The following CAMK4 variants were observed in gnomAD, a reference collection of about 807,000 sequenced individuals.
The protein encoded by CAMK4 is calcium/calmodulin-dependent protein kinase type IV.
A neutral mutation model predicts 44.9 loss-of-function variants in CAMK4; 22 were observed. The ratio of observed to expected loss-of-function variants is 0.49; its 90% CI spans 0.35 to 0.70. The LOEUF (loss-of-function observed/expected upper bound fraction) is 0.70. Ranked by LOEUF, CAMK4 falls within the 30% of genes least tolerant of loss-of-function variation. CAMK4 has a pLI of 0.01. For missense variants in CAMK4, 498 were observed against 586.8 expected (o/e 0.85, Z 1.56); for synonymous variants, 218 against 215.4 (o/e 1.01, Z -0.11).
Position 111,449,200 on chromosome 5 carries a change from T to C in CAMK4, c.622T>C (p.Cys208Arg). Residue 208 changes from cysteine (C) to arginine (R), a missense_variant, in exon 7 of 11, where the codon TGC becomes CGC. By Grantham distance (180) the Cys-to-Arg change is radical (BLOSUM62 -3). This residue lies in a region of CAMK4 where 203 missense variants were observed against 298.2 expected (regional missense o/e 0.68). Transcript: ENST00000282356. ...MKTVCGTPGY[C>R]APEILRGCAY... is the part of the protein sequence containing the mutation. ...GACAGTATGTGGAACCCCAGGGTACTGCGGTATGCTCTTTAATAATTATAT... is the reference window on the plus strand; with the variant it reads ...GACAGTATGTGGAACCCCAGGGTACCGCGGTATGCTCTTTAATAATTATAT... 7.0e-7 allele frequency: 1 copy of C among 1,433,158 alleles called. No individual in the cohort carries two copies. Among genetic ancestry groups the C allele is most frequent in the Non-Finnish European group, 9.7e-7 (1 of 1,030,862 alleles). The allele number at this position is 1,433,158 out of a possible 1,614,324, so 88.8% of individuals were successfully genotyped here. A position where few individuals can be genotyped will look rare whatever the true frequency, so the allele number is the denominator to read the frequency against.
chr5:111,365,741 GA>G (rs1445296756), intron 2 of CAMK4, among the ~76,000 whole-genome samples: 1 of 152,064 alleles, frequency 6.6e-6, no homozygotes, highest in Non-Finnish European at 1.5e-5. Flanking sequence ...TGAGAACGCT[GA>G]AAAATGTGAG....
At chr5:111,296,527 T>G (rs1048056693) in intron 1 of CAMK4, among the ~76,000 whole-genome samples, 1 of 152,220 alleles carries the variant, frequency 6.6e-6, no homozygotes, top group Non-Finnish European at 1.5e-5. Context: ...TATTTAAATT[T>G]GCATTTGCAT....
chr5:111,342,821 T>C (rs1221517023), intron 1 of CAMK4, among the ~76,000 whole-genome samples: 1 of 151,632 alleles, frequency 6.6e-6, no homozygotes, highest in Non-Finnish European at 1.5e-5. Context: ...TCAGTCTATA[T>C]TTAAATAATA....
At chr5:111,226,055 A>T (rs894378658) in intron 1 of CAMK4, among the ~76,000 whole-genome samples, 1 of 152,186 alleles carries the variant, frequency 6.6e-6, no homozygotes, top group East Asian at 1.9e-4. Context: ...TAAAGGGATG[A>T]TCTACTTAAA....
intron 4 of CAMK4, among the ~76,000 whole-genome samples, chr5:111,388,271 TC>T (rs1751675755): frequency 1.3e-5 from 2 of 152,162 alleles, no homozygotes; most frequent in African/African-American, 2.4e-5. Flanking sequence ...AATTAATAAA[TC>T]CCTTGGTTGT....
chr5:111,312,531 T>A (rs1019962529), intron 1 of CAMK4, among the ~76,000 whole-genome samples: 3 of 152,114 alleles, frequency 2.0e-5, no homozygotes, highest in African/African-American at 7.2e-5. Context: ...TTTGTTCATG[T>A]TTTTTAGGAT....
chr5:111,308,713 T>G (rs1034901866), intron 1 of CAMK4, among the ~76,000 whole-genome samples: 2 of 152,202 alleles, frequency 1.3e-5, no homozygotes, highest in African/African-American at 4.8e-5. Context: ...ATCATTTATG[T>G]TATGGAAAAC....
intron 1 of CAMK4, among the ~76,000 whole-genome samples, chr5:111,265,490 C>T (rs1195372789): frequency 6.6e-6 from 1 of 152,180 alleles, no homozygotes; most frequent in Non-Finnish European, 1.5e-5. Flanking sequence ...TGTAACTGTA[C>T]TCTATATATA....
chr5:111,310,457 T>A (rs1004625818), intron 1 of CAMK4, among the ~76,000 whole-genome samples: 1 of 152,182 alleles, frequency 6.6e-6, no homozygotes, highest in Admixed American at 6.5e-5. Flanking sequence ...GCCTTGTAAG[T>A]CATGCTAAGA....
chr5:111,273,704 T>TATATATATATAC (rs1750626505), intron 1 of CAMK4, among the ~76,000 whole-genome samples: 1 of 53,360 alleles, frequency 1.9e-5, no homozygotes, highest in Non-Finnish European at 3.1e-5. Context: ...TATATATATA[T>TATATATATATAC]ATATATATAT....
In CAMK4 at chr5:111,484,118, C is replaced by G. The variant is rs758216235; in HGVS notation, c.1074C>G (p.Asp358Glu). Reference sequence around the variant, plus strand: ...AGGAGAGCCACAAGGCTAGCCGAGACCCTTCTCCAATCCAAGATGGCAACG... The same window carrying G: ...AGGAGAGCCACAAGGCTAGCCGAGAGCCTTCTCCAATCCAAGATGGCAACG... Reference protein sequence around the residue: ...SIQESHKASRDPSPIQDGNED... With the variant: ...SIQESHKASREPSPIQDGNED... Residue 358 changes from aspartate to glutamate, a missense_variant, in exon 11 of 11, where the codon GAC becomes GAG. By Grantham distance (45) the Asp-to-Glu change is conservative (BLOSUM62 2). Around this residue, in one of 3 missense-constraint regions of CAMK4, gnomAD observed 143 missense variants for 144.9 expected, o/e 0.99. Coordinates refer to ENST00000282356, the MANE Select transcript of CAMK4 (RefSeq NM_001744.6). This position sits in a 1 kb window ranked among gnomAD's most constrained non-coding sequence, Gnocchi z 5.3. The G allele has an allele frequency of 1.9e-6, 3 of 1,614,144 alleles. No individual in the cohort carries two copies. In the Admixed American group the frequency reaches 5.0e-5, roughly 27 times the overall value.
intron 4 of CAMK4, among the ~76,000 whole-genome samples, chr5:111,391,540 A>G: frequency 6.6e-6 from 1 of 152,102 alleles, no homozygotes; most frequent in Non-Finnish European, 1.5e-5. Context: ...AAAACATGAA[A>G]ATAAGACAGT....
Position 111,456,005 on chromosome 5 carries a change from A to G in CAMK4, c.625+6802A>G, listed in dbSNP as rs137875603. Among the ~76,000 whole-genome samples, 1,108 of 152,324 alleles carry G rather than the reference A, an allele frequency of 7.3e-3. 6 individuals are homozygous for G. The highest frequency in any genetic ancestry group is 0.011 in the Non-Finnish European group (765 of 68,036). On this transcript the variant is annotated intron_variant, in intron 7 of 10. Coordinates refer to ENST00000282356, the MANE Select transcript of CAMK4 (RefSeq NM_001744.6). Reference sequence around the variant, plus strand: ...CATGTAATGAATGTTAGGCATTACTAAAGTCATTATAATGAATATCATCAT... The same window carrying G: ...CATGTAATGAATGTTAGGCATTACTGAAGTCATTATAATGAATATCATCAT...
chr5:111,250,046 C>G (rs1448611382), intron 1 of CAMK4, among the ~76,000 whole-genome samples: 1 of 152,054 alleles, frequency 6.6e-6, no homozygotes, highest in Non-Finnish European at 1.5e-5. Flanking sequence ...CAGGAAGTGC[C>G]CTACCCCAGG....
At chr5:111,321,880 A>G (rs936359531) in intron 1 of CAMK4, among the ~76,000 whole-genome samples, 1 of 152,146 alleles carries the variant, frequency 6.6e-6, no homozygotes, top group East Asian at 1.9e-4. Context: ...TCCTTCAATC[A>G]CAAGTTTTGT....
intron 5 of CAMK4, among the ~76,000 whole-genome samples, chr5:111,427,147 G>A (rs992588728): frequency 5.3e-5 from 8 of 152,120 alleles, no homozygotes; most frequent in Admixed American, 1.3e-4. Context: ...CTTGCATCTA[G>A]GATACCAGCT....
chr5:111,356,978 T>C lies in CAMK4; in HGVS notation c.240+12876T>C, dbSNP rs570129627. On this transcript the variant is annotated intron_variant, in intron 2 of 10. Transcript: ENST00000282356. ...GAGAGACAGACAGACAGACAGACCATGAGCTAGAGCACCAACAGGCCTGAG... is the reference window on the plus strand; with the variant it reads ...GAGAGACAGACAGACAGACAGACCACGAGCTAGAGCACCAACAGGCCTGAG... Among the ~76,000 whole-genome samples the C allele has an allele frequency of 4.6e-5, 7 of 152,102 alleles. No homozygotes were observed. The South Asian group carries it at 1.0e-3, about 23-fold the overall frequency.
Position 111,486,518 on chromosome 5 carries a change from CACACACA to C in CAMK4, c.*2053_*2059del, listed in dbSNP as rs1487091085. On this transcript the variant is annotated 3_prime_UTR_variant, in exon 11 of 11. Transcript: ENST00000282356. ...AGACTGAAACACACACACACACACA[CACACACA>C]CACACACACACACACACGTGTTGGA... 2 of 127,068 alleles carry C rather than the reference CACACACA, an allele frequency of 1.6e-5. No individual in the cohort carries two copies. The highest frequency in any genetic ancestry group is 1.7e-5 in the Non-Finnish European group (1 of 59,328). 7.9% of individuals were successfully genotyped at this position (127,068 alleles called of 1,614,324 possible).
chr5:111,410,279 C>T (rs760832697), intron 5 of CAMK4, among the ~76,000 whole-genome samples: 10 of 152,158 alleles, frequency 6.6e-5, no homozygotes, highest in Non-Finnish European at 1.3e-4. Context: ...AGACATATCT[C>T]ACATGGCGAC....
Sources: gnomAD v4.1 joint callset for allele counts (sites outside exome capture counted in the v4.1 genomes callset) on GRCh38, gnomAD v4.1.1 for gene constraint, gnomAD v4.1.1 regional missense constraint, Gnocchi (gnomAD v3.1) non-coding constraint, MANE v1.5 for transcripts, NCBI Gene and HGNC (gene_info 2026-07-23, HGNC 2026-07-21) for gene names.